Variants in LLGL2 observed in about 807,000 individuals in gnomAD.
LLGL2 encodes LLGL2, scribble cell polarity complex component.
A neutral mutation model predicts 123.2 loss-of-function variants in LLGL2; 81 were observed. That is an observed-to-expected ratio of 0.66 (90% CI 0.55 to 0.79). The LOEUF is 0.79. LLGL2 is among the 30% of genes least tolerant of loss of function. The pLI, the probability that LLGL2 is intolerant of heterozygous loss-of-function variation, is 0.00. For synonymous variants in LLGL2, 577 were observed against 594.1 expected (o/e 0.97, Z 0.42); for missense variants, 1,273 against 1,414.6 (o/e 0.90, Z 1.61).
intron 1 of LLGL2, among the ~76,000 whole-genome samples, chr17:75,527,204 G>C (rs2053605317): frequency 6.7e-6 from 1 of 150,046 alleles, no homozygotes; most frequent in Admixed American, 6.6e-5. Flanking sequence ...GAGGAAAACT[G>C]TCTGGGTCTG....
chr17:75,558,714 C>T lies in LLGL2; in HGVS notation c.371+87C>T. ...TGGAGTGGACTCACCCTTTGTGAGG[C>T]CTGTTGCGCCCCTGGCAGTGACTGG... is the stretch of plus-strand genomic sequence containing the variant. On this transcript the variant is annotated intron_variant, in intron 5 of 25. Transcript: ENST00000392550. This position sits in a 1 kb window ranked among gnomAD's most constrained non-coding sequence, Gnocchi z 4.0. The T allele has an allele frequency of 4.8e-6, 5 of 1,031,196 alleles. No homozygotes were observed. The highest frequency in any genetic ancestry group is 1.4e-5 in the South Asian group (1 of 71,066). The allele number at this position is 1,031,196 out of a possible 1,614,324, so 63.9% of individuals were successfully genotyped here. A position where few individuals can be genotyped will look rare whatever the true frequency, so the allele number is the denominator to read the frequency against.
chr17:75,545,190 CCTT>C (rs1438041818), intron 2 of LLGL2, among the ~76,000 whole-genome samples: 5 of 152,078 alleles, frequency 3.3e-5, no homozygotes, highest in Admixed American at 6.6e-5. Context: ...AGGAGTTGTC[CCTT>C]CTTCTTTCCC....
At chr17:75,569,421 T>C in intron 14 of LLGL2, 96 bp downstream of exon 14, 5 of 1,026,024 alleles carry the variant, frequency 4.9e-6, no homozygotes, top group Non-Finnish European at 6.0e-6. Context: ...ACGCACATTC[T>C]GTGTCCTTTG....
rs376704195 is a variant in LLGL2, at chr17:75,544,452, G to A, written c.75+951G>A. ...ATGTCTCCCTGTGGAGAATGAGGAA[G>A]TCTCTTTGGTTGTATTTTTGTTATT... On this transcript the variant is annotated intron_variant, in intron 2 of 25. Coordinates refer to ENST00000392550, the MANE Select transcript of LLGL2 (RefSeq NM_001031803.2). The surrounding 1 kb of genome is among the most constrained non-coding windows in gnomAD (Gnocchi z 4.2). Among the ~76,000 whole-genome samples, 5 of 152,380 alleles carry A rather than the reference G, an allele frequency of 3.3e-5. No individual in the cohort carries two copies. In the East Asian group the frequency reaches 5.8e-4, roughly 18 times the overall value.
Position 75,549,933 on chromosome 17 carries a change from C to A in LLGL2, c.76-6113C>A, listed in dbSNP as rs1197665523. 6.6e-6 allele frequency among the ~76,000 whole-genome samples: 1 copy of A among 152,218 alleles called. No homozygotes were observed. The highest frequency in any genetic ancestry group is 1.9e-4 in the East Asian group (1 of 5,194). ...ACTCCAGGCTAACGTTGCAGTCTGGCGGCTTCTGCAAATCTTTGCTCTCCT... is the reference window on the plus strand; with the variant it reads ...ACTCCAGGCTAACGTTGCAGTCTGGAGGCTTCTGCAAATCTTTGCTCTCCT... On this transcript the variant is annotated intron_variant, in intron 2 of 25. Transcript: ENST00000392550. The surrounding 1 kb of genome is among the most constrained non-coding windows in gnomAD (Gnocchi z 4.0).
In LLGL2 at chr17:75,537,041, G is replaced by A. The variant is rs142232099; in HGVS notation, c.-30-6356G>A. On this transcript the variant is annotated intron_variant, in intron 1 of 25. Coordinates refer to ENST00000392550, the MANE Select transcript of LLGL2 (RefSeq NM_001031803.2). ...TTTTGGCATGTTGGCCAGGCTGCTC[G>A]CAAACTCCTGACCTCAAGTGATCCA... 5.7e-4 allele frequency among the ~76,000 whole-genome samples: 87 copies of A among 152,086 alleles called. 1 individual carries two copies. The East Asian group carries it at 0.015, about 26-fold the overall frequency.
intron 23 of LLGL2, 28 bp from the exon 24 acceptor site, chr17:75,574,425 T>TGG (rs1365414831): frequency 1.3e-6 from 2 of 1,547,976 alleles, no homozygotes; most frequent in Non-Finnish European, 1.7e-6. Context: ...AGGGCCTCAG[T>TGG]GGGCCTCTGT....
At chr17:75,543,561 G>A in intron 2 of LLGL2, 60 bp downstream of exon 2, 1 of 1,383,180 alleles carries the variant, frequency 7.2e-7, no homozygotes, top group Non-Finnish European at 1.0e-6. Flanking sequence ...GCTCAGGCTG[G>A]GGCTGAGGCA....
In LLGL2 at chr17:75,543,386, T is replaced by C. The variant is rs760202277; in HGVS notation, c.-30-11T>C. ...CAGGACAGACCCCTGCAGCTCCTTCTGTTTCTCCAGGTCTCCAGTGGGGGC... is the reference window on the plus strand; with the variant it reads ...CAGGACAGACCCCTGCAGCTCCTTCCGTTTCTCCAGGTCTCCAGTGGGGGC... On this transcript the variant is annotated splice_polypyrimidine_tract_variant and intron_variant, in intron 1 of 25. Transcript: ENST00000392550. 1.9e-6 allele frequency: 3 copies of C among 1,577,092 alleles called. No individual in the cohort carries two copies. The highest frequency in any genetic ancestry group is 2.6e-6 in the Non-Finnish European group (3 of 1,156,548).
rs570978504 is a variant in LLGL2 at position 75,567,500 on chromosome 17, G to A, written c.1037-976G>A. ...AAAGAAAAACAAAAATTAGCCAGGC[G>A]TGGTGGTGAGTGCCTGTAATCCCAG... On this transcript the variant is annotated intron_variant, in intron 10 of 25. Coordinates refer to ENST00000392550, the MANE Select transcript of LLGL2 (RefSeq NM_001031803.2). Among the ~76,000 whole-genome samples, 235 of 151,098 alleles carry A rather than the reference G, an allele frequency of 1.6e-3. 2 individuals carry two copies. The highest frequency in any genetic ancestry group is 4.1e-4 in the Non-Finnish European group (28 of 67,764).
intron 23 of LLGL2, 75 bp from the exon 24 acceptor site, chr17:75,574,378 G>T (rs986621905): frequency 7.8e-6 from 12 of 1,539,886 alleles, no homozygotes; most frequent in Non-Finnish European, 1.1e-5. Context: ...GGCACCCACG[G>T]AGAAAGGGGG....
At chr17:75,570,631 G>T (rs879271506) in intron 16 of LLGL2, 133 bp downstream of exon 16, 19 of 1,141,176 alleles carry the variant, frequency 1.7e-5, no homozygotes, top group Non-Finnish European at 2.2e-5. Flanking sequence ...AGGTCGCATT[G>T]TGTGACCTCA....
At chr17:75,534,724 T>C (rs2053936912) in intron 1 of LLGL2, among the ~76,000 whole-genome samples, 1 of 152,156 alleles carries the variant, frequency 6.6e-6, no homozygotes, top group South Asian at 2.1e-4. Context: ...CAGTGGATTC[T>C]CCTGCCTCGA....
chr17:75,568,566 T>C lies in LLGL2; in HGVS notation c.1127T>C (p.Leu376Pro). The change falls in exon 11 of 26, where the codon CTG (leucine) becomes CCG (proline). Residue 376 changes from leucine (L) to proline (P), a missense_variant. Coordinates refer to ENST00000392550, the MANE Select transcript of LLGL2 (RefSeq NM_001031803.2). ...ACAGCAGGCTGGCCACCGGTCCAGC[T>C]GCCCTACCTGGCTTCTCTGCACTGT... ...LQTAGWPPVQ[L>P]PYLASLHCSA... The C allele has an allele frequency of 6.2e-7, 1 of 1,613,912 alleles. No homozygotes were observed. Among genetic ancestry groups the C allele is most frequent in the Middle Eastern group, 1.6e-4 (1 of 6,062 alleles).
At chr17:75,546,987 T>G (rs909832122) in intron 2 of LLGL2, among the ~76,000 whole-genome samples, 2 of 152,100 alleles carry the variant, frequency 1.3e-5, no homozygotes, top group South Asian at 2.1e-4. Flanking sequence ...CTTCCAGTGG[T>G]CCTGGAAGGC....
rs1425128460 is a variant in LLGL2, at chr17:75,558,668, C to T, written c.371+41C>T. The T allele has an allele frequency of 6.7e-7, 1 of 1,483,042 alleles. No individual in the cohort carries two copies. The highest frequency in any genetic ancestry group is 9.2e-7 in the Non-Finnish European group (1 of 1,084,550). 91.9% of individuals were successfully genotyped at this position (1,483,042 alleles called of 1,614,324 possible). The stretch of plus-strand genomic sequence containing the variant: ...CCAGCCCCTTCCACTCCCAGCCCAG[C>T]CTGACCCTTGCCCTTAGCTCTGGAG... On this transcript the variant is annotated intron_variant, in intron 5 of 25. Transcript: ENST00000392550. The surrounding 1 kb of genome is among the most constrained non-coding windows in gnomAD (Gnocchi z 4.0).
chr17:75,532,862 G>A (rs532486561), intron 1 of LLGL2, among the ~76,000 whole-genome samples: 23 of 152,356 alleles, frequency 1.5e-4, no homozygotes, highest in South Asian at 8.3e-4. Context: ...GGCCTTGGCC[G>A]GAGACTTGAG....
Position 75,544,606 on chromosome 17 carries a change from A to G in LLGL2, c.75+1105A>G, listed in dbSNP as rs1161156701. ...GGGCGTACGTGGGGTGAGGTAACTT[A>G]AGTGCTAGGCACAGTGGCCCAGGAA... is the stretch of plus-strand genomic sequence containing the variant. On this transcript the variant is annotated intron_variant, in intron 2 of 25. Coordinates refer to ENST00000392550, the MANE Select transcript of LLGL2 (RefSeq NM_001031803.2). The surrounding 1 kb of genome is among the most constrained non-coding windows in gnomAD (Gnocchi z 4.2). Among the ~76,000 whole-genome samples, 1 of 152,162 alleles carries G rather than the reference A, an allele frequency of 6.6e-6. No homozygotes were observed. The highest frequency in any genetic ancestry group is 2.4e-5 in the African/African-American group (1 of 41,440).
chr17:75,564,710 A>T lies in LLGL2; in HGVS notation c.1036+203A>T, dbSNP rs1390140922. Reference sequence around the variant, plus strand: ...AGACCCTTGTCTCTACAAAAAATAAAAAAATTAGCCAGGTGTTGTGGCACG... The same window carrying T: ...AGACCCTTGTCTCTACAAAAAATAATAAAATTAGCCAGGTGTTGTGGCACG... On this transcript the variant is annotated intron_variant, in intron 10 of 25. Coordinates refer to ENST00000392550, the MANE Select transcript of LLGL2 (RefSeq NM_001031803.2). The surrounding 1 kb of genome is among the most constrained non-coding windows in gnomAD (Gnocchi z 4.9). 1.2e-6 allele frequency: 1 copy of T among 811,672 alleles called. No homozygotes were observed. Among genetic ancestry groups the T allele is most frequent in the Non-Finnish European group, 1.8e-6 (1 of 553,062 alleles). The allele number at this position is 811,672 out of a possible 1,614,324, so 50.3% of individuals were successfully genotyped here. A position where few individuals can be genotyped will look rare whatever the true frequency, so the allele number is the denominator to read the frequency against.
Sources: gnomAD v4.1 joint callset for allele counts (sites outside exome capture counted in the v4.1 genomes callset) on GRCh38, gnomAD v4.1.1 for gene constraint, Gnocchi (gnomAD v3.1) non-coding constraint, MANE v1.5 for transcripts, NCBI Gene and HGNC (gene_info 2026-07-23, HGNC 2026-07-21) for gene names.